Variants in SHROOM3 observed in about 807,000 individuals in gnomAD.
The protein encoded by SHROOM3 is protein Shroom3.
Under a neutral mutation model 138.6 loss-of-function variants are expected in SHROOM3, and 47 were observed. That is an observed-to-expected ratio of 0.34 (90% CI 0.27 to 0.43). SHROOM3 has a LOEUF of 0.43. Ranked by LOEUF, SHROOM3 falls within the 20% of genes least tolerant of loss-of-function variation. The pLI is 1.00. For missense variants in SHROOM3, 2,491 were observed against 2,596.5 expected (o/e 0.96, Z 0.88); for synonymous variants, 1,062 against 1,063.3 (o/e 1.00, Z 0.02).
At chr4:76,609,839 A>C (rs1262367193) in intron 2 of SHROOM3, among the ~76,000 whole-genome samples, 1 of 152,194 alleles carries the variant, frequency 6.6e-6, no homozygotes, top group East Asian at 1.9e-4. Context: ...ATAAAAGATA[A>C]CATTAATTTA....
At chr4:76,505,977 G>A (rs1015690574) in intron 1 of SHROOM3, among the ~76,000 whole-genome samples, 1 of 151,996 alleles carries the variant, frequency 6.6e-6, no homozygotes, top group East Asian at 1.9e-4. Flanking sequence ...GTATATGGAA[G>A]GATGTCATCA....
Position 76,770,659 on chromosome 4 carries a change from G to A in SHROOM3, c.5383G>A (p.Glu1795Lys), listed in dbSNP as rs1722330072. 1.2e-6 allele frequency: 2 copies of A among 1,614,158 alleles called. No individual in the cohort carries two copies. Among genetic ancestry groups the A allele is most frequent in the African/African-American group, 1.3e-5 (1 of 75,044 alleles). ...ELIGSLTHKLETLQEAKGSLL... is the reference protein window; with the variant it reads ...ELIGSLTHKLKTLQEAKGSLL... ...CATTGGAAGTCTCACCCACAAGCTG[G>A]AGACCCTCCAGGAGGCGAAGGGGAG... Residue 1795 changes from glutamate (E) to lysine (K), a missense_variant, in exon 10 of 11, where the codon GAG becomes AAG. Around this residue, in one of 4 missense-constraint regions of SHROOM3, gnomAD observed 470 missense variants for 595.0 expected, o/e 0.79. Transcript: ENST00000296043.
At chr4:76,551,044 T>G (rs1237082115) in intron 1 of SHROOM3, among the ~76,000 whole-genome samples, 1 of 151,446 alleles carries the variant, frequency 6.6e-6, no homozygotes, top group Non-Finnish European at 1.5e-5. Flanking sequence ...CTCCCTCTGT[T>G]GCCCAGACTG....
intron 9 of SHROOM3, among the ~76,000 whole-genome samples, chr4:76,767,124 T>C (rs1208713142): frequency 1.3e-5 from 2 of 152,168 alleles, no homozygotes; most frequent in Non-Finnish European, 2.9e-5. Context: ...TGGATGGTTG[T>C]GTTTGAAGCC....
intron 2 of SHROOM3, among the ~76,000 whole-genome samples, chr4:76,652,666 C>A (rs1276960069): frequency 6.6e-6 from 1 of 151,840 alleles, no homozygotes; most frequent in Non-Finnish European, 1.5e-5. Context: ...CCTTATGATC[C>A]CAGGGAGACC....
chr4:76,491,184 C>T (rs1454703619), intron 1 of SHROOM3, among the ~76,000 whole-genome samples: 4 of 152,170 alleles, frequency 2.6e-5, no homozygotes, highest in Non-Finnish European at 5.9e-5. Flanking sequence ...ATCCTTGAGA[C>T]ATGGGCACTG....
At chr4:76,591,991 A>G (rs1734282852) in intron 2 of SHROOM3, among the ~76,000 whole-genome samples, 1 of 152,372 alleles carries the variant, frequency 6.6e-6, no homozygotes, top group Non-Finnish European at 1.5e-5. Context: ...CTAGAAAATG[A>G]TAACTGCTAT....
chr4:76,620,921 T>A (rs189888900), intron 2 of SHROOM3, among the ~76,000 whole-genome samples: 1 of 147,550 alleles, frequency 6.8e-6, no homozygotes, highest in African/African-American at 2.6e-5. Context: ...GAAGGGGCAC[T>A]TTTCCCTGGG....
At chr4:76,636,354 G>A (rs1026562301) in intron 2 of SHROOM3, among the ~76,000 whole-genome samples, 2 of 152,170 alleles carry the variant, frequency 1.3e-5, no homozygotes, top group African/African-American at 4.8e-5. Context: ...AACTCTAAGG[G>A]AAAGAAGTTG....
At chr4:76,488,700 A>T (rs954903344) in intron 1 of SHROOM3, among the ~76,000 whole-genome samples, 1 of 152,224 alleles carries the variant, frequency 6.6e-6, no homozygotes, top group Non-Finnish European at 1.5e-5. Context: ...CCAGGAGGCC[A>T]TAAAGACTGT....
chr4:76,734,525 T>G (rs1325489643), intron 4 of SHROOM3, among the ~76,000 whole-genome samples: 1 of 151,470 alleles, frequency 6.6e-6, no homozygotes, highest in Non-Finnish European at 1.5e-5. Context: ...TTTTTTTTTT[T>G]TTTTGAGATG....
intron 3 of SHROOM3, among the ~76,000 whole-genome samples, chr4:76,728,379 G>C (rs769696575): frequency 2.6e-5 from 4 of 152,180 alleles, no homozygotes; most frequent in Non-Finnish European, 4.4e-5. Flanking sequence ...TTTAAAAAGA[G>C]GAGTTCCCCT....
At chr4:76,560,769 A>G (rs1224656988) in intron 2 of SHROOM3, among the ~76,000 whole-genome samples, 1 of 152,176 alleles carries the variant, frequency 6.6e-6, no homozygotes, top group Non-Finnish European at 1.5e-5. Flanking sequence ...AAAGTCAGAG[A>G]GGATACCTGA....
intron 2 of SHROOM3, among the ~76,000 whole-genome samples, chr4:76,683,294 A>G (rs771411625): frequency 7.9e-5 from 12 of 152,202 alleles, no homozygotes; most frequent in Non-Finnish European, 1.5e-4. Flanking sequence ...AAAGTTAATC[A>G]TTTCTCTGCC....
intron 5 of SHROOM3, among the ~76,000 whole-genome samples, chr4:76,746,810 TTATTATTATTA>T (rs1721451078): frequency 6.8e-6 from 1 of 147,360 alleles, no homozygotes; most frequent in Non-Finnish European, 1.5e-5. Context: ...ATTATTATTA[TTATTATTATTA>T]TTATTATTAT....
rs980492348 is a variant in SHROOM3, at chr4:76,549,207, C to T, written c.169-6402C>T. Among the ~76,000 whole-genome samples the T allele has an allele frequency of 7.9e-5, 12 of 152,138 alleles. No homozygotes were observed. The East Asian group carries it at 1.9e-3, about 24-fold the overall frequency. Reference sequence around the variant, plus strand: ...TGTGTGGATAATTGGTACAAACTTACGATGTATGCATTTAGTTAGCCTCAG... The same window carrying T: ...TGTGTGGATAATTGGTACAAACTTATGATGTATGCATTTAGTTAGCCTCAG... On this transcript the variant is annotated intron_variant, in intron 1 of 10. Transcript: ENST00000296043.
intron 3 of SHROOM3, among the ~76,000 whole-genome samples, chr4:76,714,613 G>C (rs1433313644): frequency 6.6e-6 from 1 of 152,124 alleles, no homozygotes; most frequent in Non-Finnish European, 1.5e-5. Context: ...ACCTTGGAAA[G>C]ATAATTTTCA....
At chr4:76,693,287 A>G (rs1232819394) in intron 2 of SHROOM3, among the ~76,000 whole-genome samples, 1 of 151,732 alleles carries the variant, frequency 6.6e-6, no homozygotes, top group African/African-American at 2.4e-5. Flanking sequence ...TGTGAAAGCC[A>G]TATCATTTAA....
intron 1 of SHROOM3, among the ~76,000 whole-genome samples, chr4:76,538,608 G>A (rs1316831746): frequency 2.0e-5 from 3 of 152,156 alleles, no homozygotes; most frequent in Admixed American, 6.5e-5. Flanking sequence ...TTCCAACTGG[G>A]TGTGGGTAGA....
Sources: gnomAD v4.1 joint callset for allele counts (sites outside exome capture counted in the v4.1 genomes callset) on GRCh38, gnomAD v4.1.1 for gene constraint, gnomAD v4.1.1 regional missense constraint, MANE v1.5 for transcripts, NCBI Gene and HGNC (gene_info 2026-07-23, HGNC 2026-07-21) for gene names.